The following DHX29 variants were observed in gnomAD, a reference collection of about 807,000 sequenced individuals.
DHX29 encodes the protein DExH-box helicase 29.
DHX29 carries 79 observed loss-of-function variants against 167.9 expected under a neutral mutation model. That is an observed-to-expected ratio of 0.47 (90% CI 0.39 to 0.57). The LOEUF (loss-of-function observed/expected upper bound fraction) is 0.57, where lower values mean the gene tolerates loss of function less well. Among genes scored for constraint, DHX29 ranks in the 20% least tolerant of loss-of-function variants. The pLI is 0.00. For synonymous variants in DHX29, 530 were observed against 546.0 expected (o/e 0.97, Z 0.41); for missense variants, 1,347 against 1,593.4 (o/e 0.85, Z 2.63).
intron 9 of DHX29, 119 bp from the exon 10 acceptor site, chr5:55,285,535 G>C (rs1747676316): frequency 1.6e-6 from 2 of 1,234,682 alleles, no homozygotes; most frequent in Admixed American, 2.7e-5. Context: ...TCCATGGAAG[G>C]CATTATTAGA....
chr5:55,295,251 C>G, intron 5 of DHX29, 128 bp downstream of exon 5: 1 of 736,036 alleles, frequency 1.4e-6, no homozygotes, highest in Non-Finnish European at 2.2e-6. Context: ...ATAGAAAAGT[C>G]TAGCAAACCA....
At chr5:55,261,013 TATTTA>T (rs1185761940) in intron 25 of DHX29, among the ~76,000 whole-genome samples, 10 of 152,304 alleles carry the variant, frequency 6.6e-5, no homozygotes, top group African/African-American at 2.2e-4. Context: ...CTGGGAAAAT[TATTTA>T]ATTTCTCACT....
At chr5:55,266,619 T>A (rs961202017) in intron 23 of DHX29, among the ~76,000 whole-genome samples, 4 of 151,702 alleles carry the variant, frequency 2.6e-5, no homozygotes, top group African/African-American at 7.3e-5. Context: ...TTGTGTTGCA[T>A]CTTTTTTCTT....
chr5:55,263,371 T>C (rs1339820741), intron 23 of DHX29, among the ~76,000 whole-genome samples: 5 of 152,210 alleles, frequency 3.3e-5, no homozygotes, highest in Non-Finnish European at 1.5e-5. Flanking sequence ...TTAAAGAACT[T>C]TGAAAGAATT....
chr5:55,289,372 G>T lies in DHX29; in HGVS notation c.964C>A (p.Gln322Lys). ...VFNPAMKISHQQNERKKPPVA... is the reference protein window; with the variant it reads ...VFNPAMKISHKQNERKKPPVA... Reference sequence around the variant, plus strand: ...GGAGGCTTTTTCCTTTCATTTTGTTGATGTGAAATCTTCATGGCTGGGTTA... The same window carrying T: ...GGAGGCTTTTTCCTTTCATTTTGTTTATGTGAAATCTTCATGGCTGGGTTA... Residue 322 changes from glutamine to lysine, a missense_variant, in exon 8 of 27, where the codon CAA becomes AAA. By Grantham distance (53) the Gln-to-Lys change is moderately conservative. This residue lies in a region of DHX29 where 405 missense variants were observed against 416.8 expected (regional missense o/e 0.97). Coordinates refer to ENST00000251636, the MANE Select transcript of DHX29 (RefSeq NM_019030.4). 6.2e-7 allele frequency: 1 copy of T among 1,600,010 alleles called. No homozygotes were observed. Among genetic ancestry groups the T allele is most frequent in the African/African-American group, 1.4e-5 (1 of 74,044 alleles).
intron 1 of DHX29, among the ~76,000 whole-genome samples, chr5:55,299,952 T>TC (rs1349702120): frequency 6.6e-6 from 1 of 152,200 alleles, no homozygotes; most frequent in Non-Finnish European, 1.5e-5. Context: ...ACTTTTGGTC[T>TC]CATGACCCCT....
chr5:55,306,762 G>A (rs1748885838), intron 1 of DHX29, among the ~76,000 whole-genome samples: 1 of 152,144 alleles, frequency 6.6e-6, no homozygotes, highest in Admixed American at 6.5e-5. Context: ...GAGCTCAACC[G>A]TAATATGTGG....
chr5:55,262,745 T>A lies in DHX29; in HGVS notation c.3713A>T (p.Asp1238Val), dbSNP rs1212024536. The change falls in exon 24 of 27, where the codon GAT (aspartate) becomes GTT (valine). Residue 1238 changes from aspartate to valine, a missense_variant. Coordinates refer to ENST00000251636, the MANE Select transcript of DHX29 (RefSeq NM_019030.4). ...VGKIIYTKSVDVTEKLACIVE... is the reference protein window; with the variant it reads ...VGKIIYTKSVVVTEKLACIVE... Reference sequence around the variant, plus strand: ...AATGCAAGCCAATTTTTCTGTAACATCCACTGACTTTGTATAGATTATCTT... The same window carrying A: ...AATGCAAGCCAATTTTTCTGTAACAACCACTGACTTTGTATAGATTATCTT... 6.2e-7 allele frequency: 1 copy of A among 1,614,000 alleles called. No homozygotes were observed. The highest frequency in any genetic ancestry group is 1.3e-5 in the African/African-American group (1 of 74,906).
intron 10 of DHX29, among the ~76,000 whole-genome samples, chr5:55,285,040 T>C (rs1452080811): frequency 6.6e-6 from 1 of 152,146 alleles, no homozygotes; most frequent in Non-Finnish European, 1.5e-5. Flanking sequence ...TTCTCCTTAA[T>C]TCAACCACAC....
chr5:55,256,161 C>A lies in DHX29; in HGVS notation c.*327G>T, dbSNP rs1334094577. On this transcript the variant is annotated 3_prime_UTR_variant, in exon 27 of 27. Transcript: ENST00000251636. ...CATCAAGGACTGATAGGGGATGAGG[C>A]AGCTACACAGGGAATCACAACATTA... 5.9e-6 allele frequency: 1 copy of A among 170,358 alleles called. No individual in the cohort carries two copies. Among genetic ancestry groups the A allele is most frequent in the African/African-American group, 2.4e-5 (1 of 41,830 alleles). The allele number at this position is 170,358 out of a possible 1,614,324, so 10.6% of individuals were successfully genotyped here. A position where few individuals can be genotyped will look rare whatever the true frequency, so the allele number is the denominator to read the frequency against.
intron 1 of DHX29, among the ~76,000 whole-genome samples, chr5:55,304,919 G>A (rs1450477341): frequency 1.3e-5 from 2 of 152,064 alleles, no homozygotes; most frequent in South Asian, 2.1e-4. Context: ...TTTATTGTAC[G>A]TTATACTATA....
chr5:55,287,095 A>G (rs1747771384), intron 8 of DHX29, among the ~76,000 whole-genome samples: 1 of 152,220 alleles, frequency 6.6e-6, no homozygotes. Context: ...TTTCTACTGT[A>G]CACTTGGAAA....
chr5:55,264,002 T>C (rs1156839047), intron 23 of DHX29, among the ~76,000 whole-genome samples: 1 of 151,696 alleles, frequency 6.6e-6, no homozygotes, highest in Non-Finnish European at 1.5e-5. Context: ...AATACTTTTA[T>C]AGCATATCTG....
At chr5:55,285,483 T>G in intron 9 of DHX29, 67 bp from the exon 10 acceptor site, 1 of 1,453,532 alleles carries the variant, frequency 6.9e-7, no homozygotes, top group Non-Finnish European at 9.3e-7. Context: ...AACTCAGAAT[T>G]CCATTAACAT....
At chr5:55,297,670 C>G (rs1426512044) in intron 2 of DHX29, among the ~76,000 whole-genome samples, 1 of 152,136 alleles carries the variant, frequency 6.6e-6, no homozygotes, top group East Asian at 1.9e-4. Flanking sequence ...TTGGACCACC[C>G]TTGGGTTGCT....
In DHX29 at chr5:55,261,513, AG is replaced by A; in HGVS notation, c.3829-15del. On this transcript the variant is annotated splice_polypyrimidine_tract_variant and intron_variant, in intron 24 of 26. Coordinates refer to ENST00000251636, the MANE Select transcript of DHX29 (RefSeq NM_019030.4). ...GGCATACCTTATCTACATGGGAAAA[AG>A]GGGGGAAAATAACTTCAAAATATAA... 6 of 1,502,050 alleles carry A rather than the reference AG, an allele frequency of 4.0e-6. No homozygotes were observed. Among genetic ancestry groups the A allele is most frequent in the Non-Finnish European group, 4.6e-6 (5 of 1,097,860 alleles). The allele number at this position is 1,502,050 out of a possible 1,614,324, so 93.0% of individuals were successfully genotyped here.
At chr5:55,298,452 T>C in intron 2 of DHX29, 139 bp downstream of exon 2, 3 of 571,132 alleles carry the variant, frequency 5.3e-6, no homozygotes, top group Non-Finnish European at 9.7e-6. Context: ...TACTTATTTT[T>C]AGTAGAGATT....
chr5:55,264,576 A>G (rs1746465417), intron 23 of DHX29, among the ~76,000 whole-genome samples: 1 of 152,238 alleles, frequency 6.6e-6, no homozygotes, highest in Admixed American at 6.5e-5. Context: ...CAAGGAAGCC[A>G]TCAAAGATTG....
intron 8 of DHX29, among the ~76,000 whole-genome samples, chr5:55,287,033 T>A (rs1390076575): frequency 6.6e-6 from 1 of 152,228 alleles, no homozygotes; most frequent in African/African-American, 2.4e-5. Flanking sequence ...CTTCCTTTGA[T>A]AGTACACATC....
Sources: gnomAD v4.1 joint callset for allele counts (sites outside exome capture counted in the v4.1 genomes callset) on GRCh38, gnomAD v4.1.1 for gene constraint, gnomAD v4.1.1 regional missense constraint, MANE v1.5 for transcripts, NCBI Gene and HGNC (gene_info 2026-07-23, HGNC 2026-07-21) for gene names.